The following RAB32 variants were observed in gnomAD, a reference collection of about 807,000 sequenced individuals.
The protein encoded by RAB32 is RAB32, member RAS oncogene family, also known as ras-related protein Rab-32.
In RAB32, 17 loss-of-function variants were observed where a neutral mutation model predicts 17.5. The observed-to-expected ratio is 0.97, with a 90% CI of 0.67 to 1.46. The LOEUF is 1.46. RAB32 is among the 40% of genes most tolerant of loss of function. RAB32 has a pLI of 0.00. For synonymous variants in RAB32, 115 were observed against 111.1 expected, an observed-to-expected ratio of 1.04 and a Z score of -0.22; for missense variants, 288 against 284.3, an observed-to-expected ratio of 1.01 and a Z score of -0.09.
At position 146,543,875 on chromosome 6, in the gene RAB32, G is replaced by A. The variant is rs748402738; in HGVS notation, c.4G>A (p.Ala2Thr). 3.1e-5 allele frequency: 45 copies of A among 1,456,648 alleles called. No homozygotes were observed. Among genetic ancestry groups the A allele is most frequent in the Admixed American group, 1.7e-4 (7 of 40,496 alleles). The allele number at this position is 1,456,648 out of a possible 1,614,324, so 90.2% of individuals were successfully genotyped here. A position where few individuals can be genotyped will look rare whatever the true frequency, so the allele number is the denominator to read the frequency against. M[A>T]GGGAGDPGLG... ...GCGCCCGACAGCCGCAGCGCTCATG[G>A]CGGGCGGAGGAGCCGGGGACCCCGG... The change falls in exon 1 of 3, where the codon GCG becomes ACG. Residue 2 changes from alanine (A) to threonine (T), a missense_variant. Coordinates refer to ENST00000367495, the MANE Select transcript of RAB32 (RefSeq NM_006834.5).
At chr6:146,553,823 T>C (rs1428584643) in intron 2 of RAB32, among the ~76,000 whole-genome samples, 1 of 152,218 alleles carries the variant, frequency 6.6e-6, no homozygotes, top group African/African-American at 2.4e-5. Context: ...AACAGTTAAA[T>C]ATATTTAAAA....
At chr6:146,550,473 G>A (rs145814656) in intron 2 of RAB32, among the ~76,000 whole-genome samples, 2,676 of 151,800 alleles carry the variant, frequency 0.018, 103 homozygotes, top group African/African-American at 0.062. Flanking sequence ...CCTGGGCAAC[G>A]TGGCGAAACC....
At chr6:146,549,804 A>C in intron 2 of RAB32, 63 bp downstream of exon 2, 1 of 1,522,612 alleles carries the variant, frequency 6.6e-7, no homozygotes, top group South Asian at 1.2e-5. Context: ...CTGTAAATGT[A>C]AAGTATTTAG....
intron 2 of RAB32, among the ~76,000 whole-genome samples, chr6:146,551,597 A>G (rs1779899644): frequency 6.7e-6 from 1 of 150,254 alleles, no homozygotes; most frequent in Non-Finnish European, 1.5e-5. Flanking sequence ...AAGACGAAAA[A>G]AAAAAAAGGG....
Position 146,543,891 on chromosome 6 carries a change from G to C in RAB32, c.20G>C (p.Gly7Ala). MAGGGA[G>A]DPGLGAAAAP... The stretch of plus-strand genomic sequence containing the variant: ...GCGCTCATGGCGGGCGGAGGAGCCG[G>C]GGACCCCGGCCTGGGGGCGGCCGCC... The change falls in exon 1 of 3, where the codon GGG becomes GCG. Residue 7 changes from glycine to alanine, a missense_variant. Coordinates refer to ENST00000367495, the MANE Select transcript of RAB32 (RefSeq NM_006834.5). 4 of 1,525,994 alleles carry C rather than the reference G, an allele frequency of 2.6e-6. No individual in the cohort carries two copies. The highest frequency in any genetic ancestry group is 2.5e-5 in the South Asian group (2 of 81,004). 94.5% of individuals were successfully genotyped at this position (1,525,994 alleles called of 1,614,324 possible).
intron 2 of RAB32, among the ~76,000 whole-genome samples, chr6:146,553,235 A>G (rs1327672101): frequency 2.6e-5 from 4 of 152,178 alleles, no homozygotes; most frequent in Non-Finnish European, 5.9e-5. Flanking sequence ...CACAGTGATG[A>G]TTGTTGTAGG....
intron 1 of RAB32, among the ~76,000 whole-genome samples, chr6:146,544,488 A>C (rs372411848): frequency 6.6e-6 from 1 of 151,968 alleles, no homozygotes; most frequent in Non-Finnish European, 1.5e-5. Flanking sequence ...CTCAGCCTCA[A>C]CTCAAGTTCA....
intron 1 of RAB32, among the ~76,000 whole-genome samples, chr6:146,547,841 T>A (rs919839654): frequency 6.6e-6 from 1 of 152,090 alleles, no homozygotes; most frequent in African/African-American, 2.4e-5. Flanking sequence ...ATTAAAGATA[T>A]AGTCCAAAGG....
chr6:146,553,430 C>T (rs1183748790), intron 2 of RAB32, among the ~76,000 whole-genome samples: 1 of 152,020 alleles, frequency 6.6e-6, no homozygotes, highest in African/African-American at 2.4e-5. Context: ...TTTATTTCTG[C>T]CAAAAATACA....
In RAB32 at chr6:146,554,620, T is replaced by C. The variant is rs772642993; in HGVS notation, c.*15T>C. The C allele has an allele frequency of 1.2e-6, 2 of 1,604,424 alleles. No individual in the cohort carries two copies. Among genetic ancestry groups the C allele is most frequent in the East Asian group, 4.5e-5 (2 of 44,746 alleles). On this transcript the variant is annotated 3_prime_UTR_variant, in exon 3 of 3. Transcript: ENST00000367495. ...AGTGTTGCTGATATATGGCTTCTGC[T>C]TCTCTTGTGTGTGCCTCAGCTCTGA... is the stretch of plus-strand genomic sequence containing the variant.
At position 146,554,483 on chromosome 6, in the gene RAB32, C is replaced by T. The variant is rs369831935; in HGVS notation, c.556C>T (p.Arg186Trp). The change falls in exon 3 of 3, where the codon CGG (arginine) becomes TGG (tryptophan). Residue 186 changes from arginine to tryptophan, a missense_variant. Coordinates refer to ENST00000367495, the MANE Select transcript of RAB32 (RefSeq NM_006834.5). ...KDNINIEEAARFLVEKILVNH... is the reference protein window; with the variant it reads ...KDNINIEEAAWFLVEKILVNH... ...TAACATAAACATAGAGGAAGCTGCC[C>T]GGTTCCTAGTGGAGAAGATTCTTGT... 4.3e-6 allele frequency: 7 copies of T among 1,612,192 alleles called. No homozygotes were observed. Among genetic ancestry groups the T allele is most frequent in the East Asian group, 2.2e-5 (1 of 44,874 alleles).
intron 2 of RAB32, among the ~76,000 whole-genome samples, chr6:146,550,641 A>G (rs1779884811): frequency 7.7e-6 from 1 of 129,930 alleles, no homozygotes; most frequent in Non-Finnish European, 1.6e-5. Flanking sequence ...TGGGTGACAA[A>G]GTGAGACCCC....
chr6:146,554,606 TA>T lies in RAB32; in HGVS notation c.*2del. Reference sequence around the variant, plus strand: ...AGAGAACAAATCCCAGTGTTGCTGATATATGGCTTCTGCTTCTCTTGTGTGT... The same window carrying T: ...AGAGAACAAATCCCAGTGTTGCTGATTATGGCTTCTGCTTCTCTTGTGTGT... On this transcript the variant is annotated 3_prime_UTR_variant, in exon 3 of 3. Transcript: ENST00000367495. 1.2e-6 allele frequency: 2 copies of T among 1,609,148 alleles called. No homozygotes were observed. Among genetic ancestry groups the T allele is most frequent in the South Asian group, 2.2e-5 (2 of 90,172 alleles).
chr6:146,550,729 G>T (rs187359727), intron 2 of RAB32, among the ~76,000 whole-genome samples: 18 of 143,032 alleles, frequency 1.3e-4, no homozygotes, highest in Middle Eastern at 3.5e-3. Context: ...ATGTTTGGGG[G>T]GGGGGTTACG....
chr6:146,547,499 T>C (rs367886494), intron 1 of RAB32, among the ~76,000 whole-genome samples: 1 of 152,072 alleles, frequency 6.6e-6, no homozygotes, highest in African/African-American at 2.4e-5. Flanking sequence ...AAGCATAAAA[T>C]GTGTGCTTGG....
intron 1 of RAB32, 126 bp from the exon 2 acceptor site, chr6:146,549,338 G>A (rs151139291): frequency 3.1e-4 from 230 of 740,970 alleles, no homozygotes; most frequent in Non-Finnish European, 4.6e-4. Flanking sequence ...AATCACACCA[G>A]GTTATATTGC....
chr6:146,553,482 T>C (rs550697763), intron 2 of RAB32, among the ~76,000 whole-genome samples: 1 of 152,204 alleles, frequency 6.6e-6, no homozygotes, highest in African/African-American at 2.4e-5. Context: ...ACATCACAGA[T>C]GGAGGTATAT....
At chr6:146,553,865 T>C (rs931151620) in intron 2 of RAB32, among the ~76,000 whole-genome samples, 7 of 152,228 alleles carry the variant, frequency 4.6e-5, no homozygotes, top group African/African-American at 1.7e-4. Flanking sequence ...TGTTACCTAC[T>C]GTATATTTAA....
chr6:146,551,789 G>A (rs907410902), intron 2 of RAB32, among the ~76,000 whole-genome samples: 1 of 152,158 alleles, frequency 6.6e-6, no homozygotes, highest in Non-Finnish European at 1.5e-5. Flanking sequence ...TTCACTTTAT[G>A]TATGGATAGG....
Sources: allele counts gnomAD v4.1 joint callset (sites outside exome capture counted in the v4.1 genomes callset), GRCh38; gene constraint gnomAD v4.1.1; transcripts MANE v1.5; gene names NCBI Gene and HGNC (gene_info 2026-07-23, HGNC 2026-07-21).